PUM1: variants seen among roughly 807,000 people sequenced by gnomAD.
PUM1 encodes pumilio RNA binding family member 1, also known as pumilio homolog 1.
PUM1 carries 13 observed loss-of-function variants against 131.8 expected under a neutral mutation model. The observed-to-expected ratio is 0.10, with a 90% CI of 0.06 to 0.16. The LOEUF (loss-of-function observed/expected upper bound fraction) is 0.16, where lower values mean the gene tolerates loss of function less well. Ranked by LOEUF, PUM1 falls within the 10% of genes least tolerant of loss-of-function variation. PUM1 has a pLI of 1.00. For missense variants in PUM1, 961 were observed against 1,512.4 expected (o/e 0.64, Z 6.05); for synonymous variants, 509 against 556.5 (o/e 0.91, Z 1.20).
chr1:30,964,594 G>T, intron 14 of PUM1, 80 bp downstream of exon 14: 2 of 1,265,774 alleles, frequency 1.6e-6, no homozygotes, highest in Non-Finnish European at 2.3e-6. Flanking sequence ...ACTGTCCTTT[G>T]CTTATGCAAA....
chr1:30,992,966 T>C (rs1641847311), intron 6 of PUM1, among the ~76,000 whole-genome samples: 1 of 152,128 alleles, frequency 6.6e-6, no homozygotes, highest in Non-Finnish European at 1.5e-5. Flanking sequence ...TCACTGTCTA[T>C]AGCATCCATG....
chr1:31,022,531 A>T (rs1001556930), intron 3 of PUM1, among the ~76,000 whole-genome samples: 1 of 152,240 alleles, frequency 6.6e-6, no homozygotes, highest in Non-Finnish European at 1.5e-5. Flanking sequence ...TCTCAAAGTC[A>T]GGACAGACCT....
At chr1:31,024,207 T>C (rs372891126) in intron 3 of PUM1, among the ~76,000 whole-genome samples, 125 of 152,236 alleles carry the variant, frequency 8.2e-4, no homozygotes, top group Non-Finnish European at 1.2e-3. Flanking sequence ...CTCTAAGAAG[T>C]TGTGGCGTCA....
intron 14 of PUM1, among the ~76,000 whole-genome samples, chr1:30,960,457 T>G (rs1176782166): frequency 6.6e-6 from 1 of 152,174 alleles, no homozygotes; most frequent in Non-Finnish European, 1.5e-5. Context: ...GAAATGGCTT[T>G]TATTCTTAAG....
chr1:30,986,000 G>A (rs1641542782), intron 7 of PUM1, among the ~76,000 whole-genome samples: 1 of 152,096 alleles, frequency 6.6e-6, no homozygotes. Flanking sequence ...TGTCCCCGGG[G>A]CTGGAGTGCA....
At chr1:30,967,690 G>A (rs1207594614) in intron 11 of PUM1, among the ~76,000 whole-genome samples, 1 of 152,106 alleles carries the variant, frequency 6.6e-6, no homozygotes, top group Non-Finnish European at 1.5e-5. Flanking sequence ...AATGAAACAG[G>A]TTAAAGTTAT....
intron 18 of PUM1, among the ~76,000 whole-genome samples, chr1:30,944,419 CA>C (rs1639586518): frequency 6.6e-6 from 1 of 151,542 alleles, no homozygotes; most frequent in African/African-American, 2.4e-5. Flanking sequence ...AACAAACAAA[CA>C]AAAAAACACA....
intron 2 of PUM1, among the ~76,000 whole-genome samples, chr1:31,036,138 C>A (rs7530879): frequency 6.6e-6 from 1 of 151,364 alleles, no homozygotes; most frequent in Non-Finnish European, 1.5e-5. Flanking sequence ...GGCACTATCT[C>A]GGCTCACTGC....
At chr1:30,938,744 A>G (rs1410255201) in intron 20 of PUM1, among the ~76,000 whole-genome samples, 1 of 152,138 alleles carries the variant, frequency 6.6e-6, no homozygotes, top group Non-Finnish European at 1.5e-5. Flanking sequence ...GGACACCTGT[A>G]GTCCCAGCTA....
rs769056688 is a variant in PUM1, at chr1:30,968,423, G to C, written c.1576C>G (p.Pro526Ala). 2.5e-6 allele frequency: 4 copies of C among 1,601,772 alleles called. No homozygotes were observed. ...TTCACTGCTGCAGCTGCCACAAGGG[G>C]ATCCGTTTGCTGTCCCTGCTGGTTC... The part of the protein sequence containing the change: ...NQNQQGQQTD[P>A]LVAAAAVNSA... Residue 526 changes from proline to alanine, a missense_variant, in exon 11 of 22, where the codon CCC becomes GCC. By Grantham distance (27) the Pro-to-Ala change is conservative (BLOSUM62 -1). Coordinates refer to ENST00000426105, the MANE Select transcript of PUM1 (RefSeq NM_001020658.2).
At position 30,942,056 on chromosome 1, in the gene PUM1, G is replaced by C; in HGVS notation, c.3062C>G (p.Pro1021Arg). The change falls in exon 19 of 22, where the codon CCT becomes CGT. Residue 1021 changes from proline (P) to arginine (R), a missense_variant. Pro to Arg is a moderately radical substitution (Grantham distance 103). This residue lies in a region of PUM1 where 178 missense variants were observed against 327.5 expected (regional missense o/e 0.54). Transcript: ENST00000426105. ...VIQRILEHCL[P>R]DQTLPILEEL... is the part of the protein sequence containing the mutation. ...CTCTAAAATAGGGAGTGTCTGGTCA[G>C]GGAGACAGTGCTCCAGGATTCTCTG... 9 of 1,602,048 alleles carry C rather than the reference G, an allele frequency of 5.6e-6. No individual in the cohort carries two copies. The highest frequency in any genetic ancestry group is 7.7e-6 in the Non-Finnish European group (9 of 1,172,808).
chr1:30,974,217 T>G (rs1169098583), intron 10 of PUM1, among the ~76,000 whole-genome samples: 1 of 152,192 alleles, frequency 6.6e-6, no homozygotes, highest in Non-Finnish European at 1.5e-5. Flanking sequence ...ATATGATAGT[T>G]TAAGATTTAC....
chr1:31,006,075 TCAAA>T (rs1642392543), intron 4 of PUM1, 44 bp from the exon 5 acceptor site: 1 of 1,481,946 alleles, frequency 6.7e-7, no homozygotes, highest in South Asian at 1.4e-5. Flanking sequence ...AGCCAGAGGC[TCAAA>T]CAAATTATGA....
At chr1:30,974,536 C>T (rs565979955) in intron 10 of PUM1, 115 bp downstream of exon 10, 1 of 1,057,756 alleles carries the variant, frequency 9.5e-7, no homozygotes, top group Non-Finnish European at 1.4e-6. Flanking sequence ...CATATATACA[C>T]ACAAGAGGAA....
intron 2 of PUM1, among the ~76,000 whole-genome samples, chr1:31,038,984 A>ATATATATATATTTTTTTTTT: frequency 1.4e-4 from 7 of 49,418 alleles, no homozygotes; most frequent in African/African-American, 6.2e-4. Context: ...ATATATATAT[A>ATATATATATATTTTTTTTTT]TTTTTTTTTT....
At chr1:31,006,205 A>G (rs1197401927) in intron 4 of PUM1, among the ~76,000 whole-genome samples, 174 bp from the exon 5 acceptor site, 2 of 152,166 alleles carry the variant, frequency 1.3e-5, no homozygotes, top group Admixed American at 1.3e-4. Context: ...GAAATGGAAC[A>G]CACTCCTCAT....
At chr1:31,058,056 T>C (rs904436199) in intron 2 of PUM1, among the ~76,000 whole-genome samples, 2 of 152,154 alleles carry the variant, frequency 1.3e-5, no homozygotes, top group Non-Finnish European at 2.9e-5. Flanking sequence ...CCCACTATGG[T>C]TTTAGATTAA....
intron 1 of PUM1, among the ~76,000 whole-genome samples, chr1:31,063,010 C>T (rs1644403003): frequency 6.6e-6 from 1 of 152,180 alleles, no homozygotes; most frequent in South Asian, 2.1e-4. Context: ...AGTCCCTGCT[C>T]AAGTACCAAA....
At chr1:30,943,817 A>AT (rs1438267433) in intron 18 of PUM1, among the ~76,000 whole-genome samples, 1 of 152,176 alleles carries the variant, frequency 6.6e-6, no homozygotes, top group Non-Finnish European at 1.5e-5. Flanking sequence ...TGGGTAAATA[A>AT]TAGTCTATTA....
Sources: allele counts gnomAD v4.1 joint callset (sites outside exome capture counted in the v4.1 genomes callset), GRCh38; gene constraint gnomAD v4.1.1; regional missense constraint gnomAD v4.1.1; transcripts MANE v1.5; gene names NCBI Gene and HGNC (gene_info 2026-07-23, HGNC 2026-07-21).